The following CCDC14 variants were observed in gnomAD, a reference collection of about 807,000 sequenced individuals.
CCDC14 encodes the protein coiled-coil domain-containing protein 14.
A neutral mutation model predicts 81.4 loss-of-function variants in CCDC14; 71 were observed. The observed-to-expected ratio is 0.87, with a 90% confidence interval of 0.72 to 1.06. CCDC14 has a LOEUF of 1.06. Ranked by LOEUF, CCDC14 falls within the 50% of genes least tolerant of loss-of-function variation. The pLI, the probability that CCDC14 is intolerant of heterozygous loss-of-function variation, is 0.00. For synonymous variants in CCDC14, 332 were observed against 364.8 expected (o/e 0.91, Z 1.03); for missense variants, 1,046 against 1,047.3 (o/e 1.00, Z 0.02).
chr3:123,899,285 TG>T (rs2034134258), intron 5 of CCDC14, among the ~76,000 whole-genome samples: 1 of 152,218 alleles, frequency 6.6e-6, no homozygotes, highest in African/African-American at 2.4e-5. Flanking sequence ...TATGAGAACA[TG>T]AACTAAGCCT....
chr3:123,942,771 G>T (rs548161649), intron 9 of CCDC14, among the ~76,000 whole-genome samples: 27 of 152,110 alleles, frequency 1.8e-4, no homozygotes, highest in Admixed American at 5.9e-4. Flanking sequence ...TGAAGTGTTG[G>T]CCTTGATGGT....
downstream of CCDC14, among the ~76,000 whole-genome samples, chr3:123,910,252 C>T (rs1403673389): frequency 6.6e-6 from 1 of 152,102 alleles, no homozygotes; most frequent in African/African-American, 2.4e-5. Flanking sequence ...TGATCTGCAG[C>T]GTGATGGCTA....
Position 123,948,985 on chromosome 3 carries a change from T to C in CCDC14, c.500A>G (p.Gln167Arg). 1 of 1,614,042 alleles carries C rather than the reference T, an allele frequency of 6.2e-7. No individual in the cohort carries two copies. The highest frequency in any genetic ancestry group is 8.5e-7 in the Non-Finnish European group (1 of 1,179,892). ...IIYQALCEHV[Q>R]TQMSLMNDLT... ...GTCATTCATCAGTGACATCTGAGTC[T>C]GCACGTGCTCACAGAGGGCTTGGTA... Residue 167 changes from glutamine to arginine, a missense_variant, in exon 6 of 13, where the codon CAG becomes CGG. By Grantham distance (43) the Gln-to-Arg change is conservative. Transcript: ENST00000409697.
At chr3:123,900,800 T>C (rs935065740) in intron 5 of CCDC14, among the ~76,000 whole-genome samples, 2 of 152,158 alleles carry the variant, frequency 1.3e-5, no homozygotes, top group African/African-American at 4.8e-5. Context: ...CTGTTAATTC[T>C]AGAAATTTTA....
At chr3:123,935,739 T>C (rs952795854) in intron 9 of CCDC14, among the ~76,000 whole-genome samples, 3 of 152,338 alleles carry the variant, frequency 2.0e-5, no homozygotes, top group East Asian at 1.9e-4. Flanking sequence ...GAAGCTTTCC[T>C]CGATAATCCT....
intron 12 of CCDC14, among the ~76,000 whole-genome samples, chr3:123,924,500 A>G (rs2035243133): frequency 6.6e-6 from 1 of 152,186 alleles, no homozygotes; most frequent in East Asian, 1.9e-4. Flanking sequence ...GAGTGAAGAG[A>G]CAAGCCATGG....
downstream of CCDC14, among the ~76,000 whole-genome samples, chr3:123,912,090 G>A (rs533038779): frequency 4.6e-5 from 7 of 152,232 alleles, no homozygotes; most frequent in South Asian, 1.5e-3. Flanking sequence ...TAAATTCATT[G>A]TAAAGGGTTG....
Position 123,946,994 on chromosome 3 carries a change from G to T in CCDC14, c.1010C>A (p.Thr337Asn). 1.2e-6 allele frequency: 2 copies of T among 1,613,870 alleles called. No homozygotes were observed. Among genetic ancestry groups the T allele is most frequent in the Non-Finnish European group, 1.7e-6 (2 of 1,179,858 alleles). The stretch of plus-strand genomic sequence containing the variant: ...CTCTCTGGCACATTTTTCTTCATTA[G>T]TGGCCAAGAAAGCTGGTTGTGACTG... ...PTQSQPAFLA[T>N]NEEKCAREQI... Residue 337 changes from threonine (T) to asparagine (N), a missense_variant, in exon 8 of 13, where the codon ACT (threonine) becomes AAT (asparagine). Transcript: ENST00000409697.
intron 12 of CCDC14, among the ~76,000 whole-genome samples, chr3:123,920,316 G>T (rs1220255668): frequency 6.6e-6 from 1 of 152,126 alleles, no homozygotes; most frequent in African/African-American, 2.4e-5. Context: ...AGAGAAAAAT[G>T]ACCAGAAAGC....
intron 12 of CCDC14, among the ~76,000 whole-genome samples, chr3:123,925,010 G>A (rs2035280614): frequency 6.6e-6 from 1 of 150,966 alleles, no homozygotes; most frequent in Non-Finnish European, 1.5e-5. Context: ...CAGAGTATGG[G>A]CATTGTAGCA....
chr3:123,886,374 TTCC>T, the CCDC14 span, among the ~76,000 whole-genome samples: 1 of 49,182 alleles, frequency 2.0e-5, no homozygotes, highest in Non-Finnish European at 9.2e-5. Flanking sequence ...CTTTCTTTCT[TTCC>T]TTCTTTCCTT....
At chr3:123,898,026 TC>T (rs553895637) in intron 5 of CCDC14, among the ~76,000 whole-genome samples, 179 of 152,250 alleles carry the variant, frequency 1.2e-3, no homozygotes, top group African/African-American at 4.1e-3. Flanking sequence ...CTATGAAAAA[TC>T]CCTTGTTTTG....
At chr3:123,912,677 T>C (rs1330648010), downstream of CCDC14, among the ~76,000 whole-genome samples, 1 of 152,042 alleles carries the variant, frequency 6.6e-6, no homozygotes, top group Non-Finnish European at 1.5e-5. Flanking sequence ...TATCACTCTA[T>C]GACATTTTAA....
chr3:123,885,247 ATATAGAC>A, the CCDC14 span, among the ~76,000 whole-genome samples: 674 of 152,274 alleles, frequency 4.4e-3, 1 homozygote, highest in Admixed American at 7.3e-3. Context: ...ATATATAGAT[ATATAGAC>A]TAGTGAATTA....
intron 5 of CCDC14, among the ~76,000 whole-genome samples, chr3:123,904,917 G>A (rs1420476969): frequency 6.6e-6 from 1 of 152,086 alleles, no homozygotes; most frequent in Non-Finnish European, 1.5e-5. Context: ...CAGATGAATG[G>A]GGGGAGAAAG....
At chr3:123,945,049 G>A in intron 8 of CCDC14, 59 bp from the exon 9 acceptor site, 2 of 1,171,890 alleles carry the variant, frequency 1.7e-6, no homozygotes, top group Non-Finnish European at 1.2e-6. Context: ...AAGATTATTA[G>A]TATGTATTAC....
intron 12 of CCDC14, among the ~76,000 whole-genome samples, chr3:123,920,514 T>A (rs752121436): frequency 6.6e-6 from 1 of 152,130 alleles, no homozygotes; most frequent in Non-Finnish European, 1.5e-5. Flanking sequence ...ATAAGAAACA[T>A]CACACACTAG....
At chr3:123,897,882 C>T (rs769606625) in intron 5 of CCDC14, among the ~76,000 whole-genome samples, 8 of 152,122 alleles carry the variant, frequency 5.3e-5, no homozygotes, top group Non-Finnish European at 1.2e-4. Context: ...TGAGCACATG[C>T]AAATCATGGC....
Position 123,933,722 on chromosome 3 carries a change from TTC to T in CCDC14, c.1375_1376del (p.Glu459ThrfsTer16). The T allele has an allele frequency of 1.3e-6, 2 of 1,573,646 alleles. No homozygotes were observed. Among genetic ancestry groups the T allele is most frequent in the Non-Finnish European group, 1.7e-6 (2 of 1,156,984 alleles). ...CAGATGGTTTTTGAGTTTTCTGTTG[TTC>T]TCTGAGTTGCTGGTTCAAAATTCTC... is the stretch of plus-strand genomic sequence containing the variant. ...QLRILNQQLR[E>X]QQKTQKPSGA... On this transcript the variant is annotated frameshift_variant, in exon 10 of 13. Transcript: ENST00000409697. LOFTEE classifies it high-confidence loss of function.
Sources: gnomAD v4.1 joint callset for allele counts (sites outside exome capture counted in the v4.1 genomes callset) on GRCh38, gnomAD v4.1.1 for gene constraint, MANE v1.5 for transcripts, NCBI Gene and HGNC (gene_info 2026-07-23, HGNC 2026-07-21) for gene names.